The following ROBO1 variants were observed in gnomAD, a reference collection of about 807,000 sequenced individuals.
ROBO1 encodes the protein roundabout homolog 1.
A neutral mutation model predicts 195.9 loss-of-function variants in ROBO1; 149 were observed. The observed-to-expected ratio is 0.76, with a 90% confidence interval of 0.67 to 0.87. The LOEUF is 0.87. ROBO1 is among the 40% of genes least tolerant of loss of function. ROBO1 has a pLI of 0.00. For missense variants in ROBO1, 1,933 were observed against 2,068.3 expected (o/e 0.93, Z 1.27); for synonymous variants, 816 against 733.2 (o/e 1.11, Z -1.82).
chr3:78,701,783 C>T (rs570182686), intron 8 of ROBO1, among the ~76,000 whole-genome samples: 2 of 152,224 alleles, frequency 1.3e-5, no homozygotes, highest in Admixed American at 1.3e-4. Context: ...ATAACATCGA[C>T]CACACAAAAT....
chr3:78,779,339 A>G (rs542876247), intron 4 of ROBO1, among the ~76,000 whole-genome samples: 8 of 152,246 alleles, frequency 5.3e-5, no homozygotes, highest in African/African-American at 1.9e-4. Context: ...ATGGGAGAAA[A>G]TTTTTGCAAT....
At chr3:78,940,238 A>C (rs1019429714) in intron 3 of ROBO1, among the ~76,000 whole-genome samples, 2 of 151,920 alleles carry the variant, frequency 1.3e-5, no homozygotes, top group African/African-American at 4.8e-5. Flanking sequence ...TACTCTGCTT[A>C]GCCTCATCTA....
chr3:79,534,149 A>T (rs1941764199), intron 2 of ROBO1, among the ~76,000 whole-genome samples: 1 of 3,122 alleles, frequency 3.2e-4, no homozygotes, highest in Admixed American at 3.6e-3. Context: ...TGGGGAAGGC[A>T]AAAAAAAAAA....
In ROBO1 at chr3:78,938,898, G is replaced by T; in HGVS notation, c.202C>A (p.Pro68Thr). The T allele has an allele frequency of 6.2e-7, 1 of 1,609,798 alleles. No individual in the cohort carries two copies. Among genetic ancestry groups the T allele is most frequent in the Non-Finnish European group, 8.5e-7 (1 of 1,177,330 alleles). Residue 68 changes from proline (P) to threonine (T), a missense_variant, in exon 4 of 31, where the codon CCT becomes ACT. By Grantham distance (38) the Pro-to-Thr change is conservative. This residue lies in a region of ROBO1 where 185 missense variants were observed against 159.5 expected (regional missense o/e 1.16). Coordinates refer to ENST00000464233, the MANE Select transcript of ROBO1 (RefSeq NM_002941.4). ...TCTGAAGGGTGTTCAACAATGCGAG[G>T]TGGAAAATCTTCCTGACGAAGACGG... Reference protein sequence around the residue: ...GSRLRQEDFPPRIVEHPSDLI... With the variant: ...GSRLRQEDFPTRIVEHPSDLI...
At chr3:79,399,038 A>T (rs1344302911) in intron 2 of ROBO1, among the ~76,000 whole-genome samples, 1 of 152,072 alleles carries the variant, frequency 6.6e-6, no homozygotes, top group African/African-American at 2.4e-5. Flanking sequence ...TTATGCTGAG[A>T]AATAGAATAG....
intron 1 of ROBO1, among the ~76,000 whole-genome samples, chr3:79,755,093 T>G (rs558027954): frequency 6.6e-6 from 1 of 152,220 alleles, no homozygotes; most frequent in Admixed American, 6.5e-5. Flanking sequence ...TTGGTCAGGC[T>G]ATTCTTGAGC....
chr3:79,128,301 C>T (rs531998839), intron 2 of ROBO1, among the ~76,000 whole-genome samples: 1 of 152,204 alleles, frequency 6.6e-6, no homozygotes, highest in East Asian at 1.9e-4. Context: ...CACACTGTCA[C>T]TAGAGGTGCT....
intron 3 of ROBO1, among the ~76,000 whole-genome samples, chr3:79,098,790 A>C (rs1299065593): frequency 6.6e-6 from 1 of 151,826 alleles, no homozygotes; most frequent in Non-Finnish European, 1.5e-5. Context: ...GAATTAACTA[A>C]TTAATTTTTT....
intron 1 of ROBO1, among the ~76,000 whole-genome samples, chr3:79,765,857 C>T (rs1351896682): frequency 1.3e-5 from 2 of 152,122 alleles, no homozygotes; most frequent in South Asian, 2.1e-4. Flanking sequence ...GCGCTCAGCC[C>T]GGGTTGACAA....
At chr3:79,402,548 T>C (rs112524557) in intron 2 of ROBO1, among the ~76,000 whole-genome samples, 31 of 152,046 alleles carry the variant, frequency 2.0e-4, no homozygotes, top group African/African-American at 7.5e-4. Context: ...GTCACCGGTA[T>C]TTGAACACAT....
chr3:78,858,953 C>T (rs2034624396), intron 4 of ROBO1, among the ~76,000 whole-genome samples: 1 of 152,248 alleles, frequency 6.6e-6, no homozygotes, highest in Admixed American at 6.5e-5. Context: ...GTTATTACCT[C>T]AGCACATATT....
intron 2 of ROBO1, among the ~76,000 whole-genome samples, chr3:79,472,821 A>G (rs1160145920): frequency 6.6e-6 from 1 of 152,116 alleles, no homozygotes; most frequent in Non-Finnish European, 1.5e-5. Flanking sequence ...GAATATTATA[A>G]TAATTAAGGT....
intron 2 of ROBO1, among the ~76,000 whole-genome samples, chr3:79,168,778 G>C (rs1232979053): frequency 6.6e-6 from 1 of 152,082 alleles, no homozygotes; most frequent in Non-Finnish European, 1.5e-5. Flanking sequence ...AATATATCAA[G>C]GGTTCCGGTC....
At chr3:79,504,849 G>T (rs964809440) in intron 2 of ROBO1, among the ~76,000 whole-genome samples, 6 of 152,044 alleles carry the variant, frequency 3.9e-5, no homozygotes, top group African/African-American at 1.4e-4. Flanking sequence ...ATATGTGTGT[G>T]TATCTTTCTA....
In ROBO1 at chr3:78,730,958, C is replaced by T. The variant is rs1366527840; in HGVS notation, c.658-13075G>A. Among the ~76,000 whole-genome samples, 4 of 152,230 alleles carry T rather than the reference C, an allele frequency of 2.6e-5. No individual in the cohort carries two copies. In the South Asian group the frequency reaches 8.3e-4, roughly 32 times the overall value. On this transcript the variant is annotated intron_variant, in intron 5 of 30. Transcript: ENST00000464233. The stretch of plus-strand genomic sequence containing the variant: ...GAGCTTTCTGGTGGGCTACATTAAA[C>T]TTCAAAATTATCAATAGGTACTTTT...
At chr3:78,869,764 T>A (rs1257623770) in intron 4 of ROBO1, among the ~76,000 whole-genome samples, 1 of 152,144 alleles carries the variant, frequency 6.6e-6, no homozygotes, top group Non-Finnish European at 1.5e-5. Flanking sequence ...TGGCCTGGCA[T>A]ATTTATTTAA....
intron 2 of ROBO1, among the ~76,000 whole-genome samples, chr3:79,510,559 T>C (rs1940649945): frequency 6.6e-6 from 1 of 151,946 alleles, no homozygotes; most frequent in African/African-American, 2.4e-5. Flanking sequence ...CTTCTTTTTT[T>C]TTTTTTTGAA....
intron 2 of ROBO1, among the ~76,000 whole-genome samples, chr3:79,240,042 T>C (rs1241557315): frequency 6.6e-6 from 1 of 152,184 alleles, no homozygotes; most frequent in Non-Finnish European, 1.5e-5. Flanking sequence ...ACATCATTTT[T>C]TTCTTGTGGT....
At chr3:78,779,779 C>T (rs1186065817) in intron 4 of ROBO1, among the ~76,000 whole-genome samples, 1 of 152,116 alleles carries the variant, frequency 6.6e-6, no homozygotes, top group African/African-American at 2.4e-5. Context: ...GATTATAAAT[C>T]ATTCTACTAT....
Sources: allele counts gnomAD v4.1 joint callset (sites outside exome capture counted in the v4.1 genomes callset), GRCh38; gene constraint gnomAD v4.1.1; regional missense constraint gnomAD v4.1.1; transcripts MANE v1.5; gene names NCBI Gene and HGNC (gene_info 2026-07-23, HGNC 2026-07-21).